ANKRD30BL: variants seen among roughly 807,000 people sequenced by gnomAD.
ANKRD30BL encodes the protein putative ankyrin repeat domain-containing protein 30B-like.
In ANKRD30BL, 20 loss-of-function variants were observed where a neutral mutation model predicts 18.4. The ratio of observed to expected loss-of-function variants is 1.09; its 90% CI spans 0.77 to 1.58. ANKRD30BL has a LOEUF of 1.58. Among genes scored for constraint, ANKRD30BL ranks in the 40% most tolerant of loss-of-function variants. The pLI is 0.00. For missense variants in ANKRD30BL, 224 were observed against 268.6 expected (o/e 0.83, Z 1.16); for synonymous variants, 72 against 100.9 (o/e 0.71, Z 1.72).
chr2:132,222,767 C>T (rs1322328271), intron 1 of ANKRD30BL, among the ~76,000 whole-genome samples: 1 of 148,930 alleles, frequency 6.7e-6, no homozygotes, highest in Non-Finnish European at 1.5e-5. Flanking sequence ...TGCTGACCTT[C>T]CCTCCACTAT....
intron 1 of ANKRD30BL, among the ~76,000 whole-genome samples, chr2:132,213,136 G>GA (rs140108073): frequency 0.18 from 26,795 of 150,474 alleles, 5,312 homozygotes; most frequent in African/African-American, 0.49. Context: ...GCCTATGGTG[G>GA]AAAAAAAAAT....
chr2:132,230,848 A>G (rs571151726), intron 1 of ANKRD30BL, among the ~76,000 whole-genome samples: 1 of 152,206 alleles, frequency 6.6e-6, no homozygotes, highest in South Asian at 2.1e-4. Flanking sequence ...GCATTCTCAG[A>G]AACTTCTTCG....
chr2:132,169,296 A>G lies in ANKRD30BL; in HGVS notation n.442-12150T>C, dbSNP rs1367157057. ...AGTTCCACACATTTGTGTGAGTTGC[A>G]TGAGGTCAATTCTAAAAGACTCAGC... On this transcript the variant is annotated intron_variant and non_coding_transcript_variant, in intron 1 of 4. Coordinates refer to the ANKRD30BL transcript ENST00000470729. 5.9e-5 allele frequency among the ~76,000 whole-genome samples: 9 copies of G among 152,312 alleles called. No homozygotes were observed. The South Asian group carries it at 1.5e-3, about 25-fold the overall frequency.
At chr2:132,237,107 A>T (rs545567429) in intron 1 of ANKRD30BL, among the ~76,000 whole-genome samples, 2 of 150,970 alleles carry the variant, frequency 1.3e-5, no homozygotes. Flanking sequence ...GGGGAACATC[A>T]TACTCTGGGG....
intron 1 of ANKRD30BL, among the ~76,000 whole-genome samples, chr2:132,204,022 T>C (rs1483496103): frequency 6.6e-5 from 10 of 152,240 alleles, no homozygotes; most frequent in Admixed American, 2.6e-4. Context: ...TATGGTTGTA[T>C]ACAGTAAGAA....
At position 132,220,281 on chromosome 2, in the gene ANKRD30BL, C is replaced by T. The variant is rs368205352; in HGVS notation, n.441+37248G>A. On this transcript the variant is annotated intron_variant and non_coding_transcript_variant, in intron 1 of 4. Transcript: ENST00000470729. ...AGCAGGTTTGAAACACTGTTTTTGG[C>T]CTCTCCCTCTCCCTCTCCCTGTCCC... Among the ~76,000 whole-genome samples, 22 of 145,960 alleles carry T rather than the reference C, an allele frequency of 1.5e-4. No individual in the cohort carries two copies. The East Asian group carries it at 4.1e-3, about 27-fold the overall frequency.
chr2:132,249,893 G>T (rs199706190), intron 1 of ANKRD30BL, among the ~76,000 whole-genome samples: 296 of 124,716 alleles, frequency 2.4e-3, no homozygotes, highest in South Asian at 4.6e-3. Context: ...TTTCCAATCT[G>T]CTCAATGAAA....
chr2:132,167,274 A>ATTTTT (rs970703167), intron 1 of ANKRD30BL, among the ~76,000 whole-genome samples: 97 of 135,942 alleles, frequency 7.1e-4, no homozygotes, highest in African/African-American at 2.6e-3. Flanking sequence ...ACATTCATTT[A>ATTTTT]TTTTTATTTT....
intron 4 of ANKRD30BL, among the ~76,000 whole-genome samples, chr2:132,154,382 T>C (rs1305879119): frequency 1.3e-5 from 2 of 152,334 alleles, no homozygotes; most frequent in South Asian, 2.1e-4. Context: ...TTAAAACTAA[T>C]ACAGAACCAC....
At chr2:132,236,702 G>T (rs886156876) in intron 1 of ANKRD30BL, among the ~76,000 whole-genome samples, 2 of 152,030 alleles carry the variant, frequency 1.3e-5, no homozygotes, top group African/African-American at 2.4e-5. Context: ...TCAACCATTA[G>T]GGAAGTCAGT....
At chr2:132,228,726 G>T in intron 1 of ANKRD30BL, among the ~76,000 whole-genome samples, 1 of 145,786 alleles carries the variant, frequency 6.9e-6, no homozygotes, top group African/African-American at 2.8e-5. Flanking sequence ...TCTGCAAGCG[G>T]ACATTTGGAG....
chr2:132,240,223 C>T (rs982550068), intron 1 of ANKRD30BL, among the ~76,000 whole-genome samples: 11 of 151,704 alleles, frequency 7.3e-5, no homozygotes, highest in African/African-American at 2.4e-4. Flanking sequence ...CAGAGTTACA[C>T]CTTTCCTTAT....
rs530697723 is a variant in ANKRD30BL, at chr2:132,199,358, C to CAAAT, written n.442-42216_442-42213dup. ...CTGGAGACACAGCAAGACTCCGTCT[C>CAAAT]AAATAAATAAATAAATAAATAAATA... On this transcript the variant is annotated intron_variant and non_coding_transcript_variant, in intron 1 of 4. Coordinates refer to the ANKRD30BL transcript ENST00000470729. Among the ~76,000 whole-genome samples the CAAAT allele has an allele frequency of 4.9e-3, 749 of 151,904 alleles. 3 individuals carry two copies. Among genetic ancestry groups the CAAAT allele is most frequent in the South Asian group, 0.014 (68 of 4,796 alleles).
At chr2:132,224,035 A>C (rs1679772813) in intron 1 of ANKRD30BL, among the ~76,000 whole-genome samples, 1 of 152,104 alleles carries the variant, frequency 6.6e-6, no homozygotes, top group African/African-American at 2.4e-5. Flanking sequence ...ACAGAGTTGA[A>C]CCTTTCTTTT....
At chr2:132,206,554 G>T (rs1316022021) in intron 1 of ANKRD30BL, among the ~76,000 whole-genome samples, 1 of 152,088 alleles carries the variant, frequency 6.6e-6, no homozygotes, top group African/African-American at 2.4e-5. Context: ...CTACTTCATG[G>T]CTTGTGAGGA....
chr2:132,221,241 G>C (rs1679668873), intron 1 of ANKRD30BL, among the ~76,000 whole-genome samples: 1 of 144,486 alleles, frequency 6.9e-6, no homozygotes, highest in Non-Finnish European at 1.5e-5. Context: ...GGGAGGTGAG[G>C]GGCTCCTCTG....
chr2:132,187,673 G>A (rs1442431818), intron 1 of ANKRD30BL, among the ~76,000 whole-genome samples: 1 of 151,610 alleles, frequency 6.6e-6, no homozygotes, highest in Non-Finnish European at 1.5e-5. Flanking sequence ...AAGCTCAACT[G>A]TTGAAAACAT....
At chr2:132,174,733 C>T (rs925571017) in intron 1 of ANKRD30BL, among the ~76,000 whole-genome samples, 11 of 152,158 alleles carry the variant, frequency 7.2e-5, no homozygotes, top group African/African-American at 2.7e-4. Context: ...ACTTCTATCT[C>T]TTTGGAAAAG....
At chr2:132,249,285 T>C (rs1053402961) in intron 1 of ANKRD30BL, among the ~76,000 whole-genome samples, 2 of 152,082 alleles carry the variant, frequency 1.3e-5, no homozygotes, top group African/African-American at 4.8e-5. Flanking sequence ...TTCTGTCTAG[T>C]TTTCATGTGA....
Sources: allele counts gnomAD v4.1 joint callset (sites outside exome capture counted in the v4.1 genomes callset), GRCh38; gene constraint gnomAD v4.1.1; transcripts MANE v1.5; gene names NCBI Gene and HGNC (gene_info 2026-07-23, HGNC 2026-07-21).